Variants in RP1L1 observed in about 807,000 individuals in gnomAD.
RP1L1 encodes retinitis pigmentosa 1-like 1 protein.
In RP1L1, 27 loss-of-function variants were observed where a neutral mutation model predicts 15.7. The observed-to-expected ratio is 1.72, with a 90% CI of 1.27 to 2.38. RP1L1 has a LOEUF of 2.38. RP1L1 is among the 30% of genes most tolerant of loss of function. RP1L1 has a pLI of 0.00. For synonymous variants in RP1L1, 1,813 were observed against 1,276.7 expected, an observed-to-expected ratio of 1.42 and a Z score of -8.96; for missense variants, 4,798 against 3,075.9, an observed-to-expected ratio of 1.56 and a Z score of -13.24.
rs763500127 is a variant in RP1L1 at position 10,607,644 on chromosome 8, CCTGGGCCTCTACACCTTCTGACTCAGG to C, written c.6427_6453del (p.Pro2143_Gln2151del). On this transcript the variant is annotated inframe_deletion, in exon 4 of 4. Coordinates refer to ENST00000382483, the MANE Select transcript of RP1L1 (RefSeq NM_178857.6). ...TCTGGCTGGGCCTCCCCTTCTGCATCCTGGGCCTCTACACCTTCTGACTCAGGCTGGGCCTCCCCTTCAGCCTCTGGG... is the reference window on the plus strand; with the variant it reads ...TCTGGCTGGGCCTCCCCTTCTGCATCCTGGGCCTCCCCTTCAGCCTCTGGG... 4.4e-6 allele frequency: 7 copies of C among 1,589,290 alleles called. No homozygotes were observed. Among genetic ancestry groups the C allele is most frequent in the Non-Finnish European group, 6.0e-6 (7 of 1,165,246 alleles).
rs1797842146 is a variant in RP1L1, at chr8:10,611,109, C to T, written c.2989G>A (p.Asp997Asn). The change falls in exon 4 of 4, where the codon GAC (aspartate) becomes AAC (asparagine). Residue 997 changes from aspartate (D) to asparagine (N), a missense_variant. Transcript: ENST00000382483. Reference sequence around the variant, plus strand: ...TCCCCCAGGCCTTCCAGAGAATGGTCATCCCCAGGGTCCACCTCGGGGCCT... The same window carrying T: ...TCCCCCAGGCCTTCCAGAGAATGGTTATCCCCAGGGTCCACCTCGGGGCCT... The part of the protein sequence containing the change: ...LRGPEVDPGD[D>N]HSLEGLGEPA... 1.2e-6 allele frequency: 2 copies of T among 1,612,892 alleles called. No homozygotes were observed. Among genetic ancestry groups the T allele is most frequent in the East Asian group, 2.2e-5 (1 of 44,866 alleles).
rs888148632 is a variant in RP1L1, at chr8:10,609,404, G to A, written c.4694C>T (p.Ala1565Val). Residue 1565 changes from alanine (A) to valine (V), a missense_variant, in exon 4 of 4, where the codon GCC becomes GTC. Ala to Val is a moderately conservative substitution (Grantham distance 64). Transcript: ENST00000382483. Reference protein sequence around the residue: ...QMAAELQQDVAQRLQDSTKRE... With the variant: ...QMAAELQQDVVQRLQDSTKRE... ...CTTGGTGCTGTCCTGGAGGCGTTGG[G>A]CCACGTCCTGCTGCAGCTCGGCCGC... 20 of 1,612,150 alleles carry A rather than the reference G, an allele frequency of 1.2e-5. No individual in the cohort carries two copies. Among genetic ancestry groups the A allele is most frequent in the Non-Finnish European group, 4.2e-6 (5 of 1,179,928 alleles).
chr8:10,622,482 C>G lies in RP1L1; in HGVS notation c.609+111G>C, dbSNP rs957115129. Reference sequence around the variant, plus strand: ...CATGCTGTTCACCTTTAATTAGCAGCAGGGCAATCAAATGCCTCTTTTTAA... The same window carrying G: ...CATGCTGTTCACCTTTAATTAGCAGGAGGGCAATCAAATGCCTCTTTTTAA... On this transcript the variant is annotated intron_variant, in intron 2 of 3. Transcript: ENST00000382483. 28 of 1,381,834 alleles carry G rather than the reference C, an allele frequency of 2.0e-5. No individual in the cohort carries two copies. The African/African-American group carries it at 3.8e-4, about 19-fold the overall frequency. The allele number at this position is 1,381,834 out of a possible 1,614,324, so 85.6% of individuals were successfully genotyped here.
chr8:10,634,636 G>C (rs1013271673), intron 1 of RP1L1, among the ~76,000 whole-genome samples: 16 of 152,302 alleles, frequency 1.1e-4, no homozygotes, highest in Non-Finnish European at 1.5e-4. Flanking sequence ...TGGCAGAAGA[G>C]TGCCAATCAC....
At position 10,609,899 on chromosome 8, in the gene RP1L1, G is replaced by C; in HGVS notation, c.4199C>G (p.Pro1400Arg). Residue 1400 changes from proline (P) to arginine (R), a missense_variant, in exon 4 of 4, where the codon CCA (proline) becomes CGA (arginine). By Grantham distance (103) the Pro-to-Arg change is moderately radical (BLOSUM62 -2). Transcript: ENST00000382483. ...CTGCCCGTGGACGCTTCCTTCTTCT[G>C]GAAGTCCTTCCTCTTTGAGACCCTC... Reference protein sequence around the residue: ...LEEGLKEEGLPEEGSVHGQEL... With the variant: ...LEEGLKEEGLREEGSVHGQEL... The C allele has an allele frequency of 6.3e-7, 1 of 1,593,192 alleles. No individual in the cohort carries two copies. The highest frequency in any genetic ancestry group is 8.6e-7 in the Non-Finnish European group (1 of 1,165,350).
intron 1 of RP1L1, among the ~76,000 whole-genome samples, chr8:10,628,022 A>G (rs1024002147): frequency 1.1e-4 from 17 of 152,226 alleles, no homozygotes; most frequent in Non-Finnish European, 2.2e-4. Context: ...TTTATAATCC[A>G]GGAAAGAATA....
At chr8:10,639,584 C>G (rs6601496) in intron 1 of RP1L1, among the ~76,000 whole-genome samples, 126,590 of 152,092 alleles carry the variant, frequency 0.83, 52,815 homozygotes, top group South Asian at 0.91. Flanking sequence ...ATGTTGCCCA[C>G]GCTGGTCTTC....
chr8:10,622,747 CG>C lies in RP1L1; in HGVS notation c.454del (p.Arg152GlyfsTer5), dbSNP rs778634096. The C allele has an allele frequency of 1.9e-6, 3 of 1,613,918 alleles. No individual in the cohort carries two copies. The highest frequency in any genetic ancestry group is 2.7e-5 in the African/African-American group (2 of 74,884). On this transcript the variant is annotated frameshift_variant, in exon 2 of 4. Coordinates refer to ENST00000382483, the MANE Select transcript of RP1L1 (RefSeq NM_178857.6). LOFTEE classifies it high-confidence loss of function. ...CATGTTCTTAATCAGCAGTATCCTCCGGGGGGTTTTAAGACTCTTCCGGGAG... is the reference window on the plus strand; with the variant it reads ...CATGTTCTTAATCAGCAGTATCCTCCGGGGGTTTTAAGACTCTTCCGGGAG... Reference protein sequence around the residue: ...SSSRKSLKTPRRILLIKNMDP... With the variant: ...SSSRKSLKTPXRILLIKNMDP...
At chr8:10,626,245 T>TC (rs1554455462) in intron 1 of RP1L1, among the ~76,000 whole-genome samples, 1 of 151,366 alleles carries the variant, frequency 6.6e-6, no homozygotes, top group Non-Finnish European at 1.5e-5. Context: ...AGCGGGAGGA[T>TC]GGGGGAGGCT....
Position 10,608,025 on chromosome 8 carries a change from C to A in RP1L1, c.6073G>T (p.Ala2025Ser), listed in dbSNP as rs202005120. The change falls in exon 4 of 4, where the codon GCC becomes TCC. Residue 2025 changes from alanine to serine, a missense_variant. Ala to Ser is a moderately conservative substitution (Grantham distance 99, BLOSUM62 1). Transcript: ENST00000382483. Reference protein sequence around the residue: ...EAQPESDGVEAQPKSEGEEAQ... With the variant: ...EAQPESDGVESQPKSEGEEAQ... ...TCTTCACCTTCTGACTTTGGCTGGG[C>A]CTCTACACCGTCTGACTCTGGCTGG... The A allele has an allele frequency of 6.2e-7, 1 of 1,612,866 alleles. No homozygotes were observed.
chr8:10,643,883 TA>T (rs1798440264), intron 1 of RP1L1, among the ~76,000 whole-genome samples: 1 of 151,904 alleles, frequency 6.6e-6, no homozygotes, highest in South Asian at 2.1e-4. Flanking sequence ...ACCAGAGTGT[TA>T]CCAGAAACTG....
rs182270485 is a variant in RP1L1, at chr8:10,614,554, G to A, written c.752-1208C>T. Among the ~76,000 whole-genome samples the A allele has an allele frequency of 7.4e-4, 113 of 151,942 alleles. 1 individual carries two copies. Among genetic ancestry groups the A allele is most frequent in the African/African-American group, 2.3e-3 (97 of 41,448 alleles). ...TGGGAGACTGTAATCCCAGCCACTC[G>A]GGAGGCTGAGGCACAAAAATCACTT... On this transcript the variant is annotated intron_variant, in intron 3 of 3. Transcript: ENST00000382483.
rs1481847615 is a variant in RP1L1 at position 10,608,019 on chromosome 8, G to T, written c.6079C>A (p.Pro2027Thr). Reference protein sequence around the residue: ...QPESDGVEAQPKSEGEEAQEV... With the variant: ...QPESDGVEAQTKSEGEEAQEV... Reference sequence around the variant, plus strand: ...TGGGCCTCTTCACCTTCTGACTTTGGCTGGGCCTCTACACCGTCTGACTCT... The same window carrying T: ...TGGGCCTCTTCACCTTCTGACTTTGTCTGGGCCTCTACACCGTCTGACTCT... Residue 2027 changes from proline (P) to threonine (T), a missense_variant, in exon 4 of 4, where the codon CCA becomes ACA. Coordinates refer to ENST00000382483, the MANE Select transcript of RP1L1 (RefSeq NM_178857.6). 1 of 1,597,114 alleles carries T rather than the reference G, an allele frequency of 6.3e-7. No individual in the cohort carries two copies. Among genetic ancestry groups the T allele is most frequent in the Non-Finnish European group, 8.5e-7 (1 of 1,175,414 alleles).
At chr8:10,618,808 T>G (rs74860614) in intron 2 of RP1L1, among the ~76,000 whole-genome samples, 4,351 of 152,318 alleles carry the variant, frequency 0.029, 199 homozygotes, top group African/African-American at 0.094. Flanking sequence ...CTTTCTGGTA[T>G]GCTTTCCAGT....
At chr8:10,616,648 C>T in intron 2 of RP1L1, 61 bp from the exon 3 acceptor site, 4 of 1,542,968 alleles carry the variant, frequency 2.6e-6, no homozygotes, top group Middle Eastern at 2.0e-4. Context: ...TACCCTGAGG[C>T]CTGGGGGAGG....
rs144995693 is a variant in RP1L1, at chr8:10,652,541, G to T, written c.-20+2357C>A. Among the ~76,000 whole-genome samples, 11 of 152,152 alleles carry T rather than the reference G, an allele frequency of 7.2e-5. No homozygotes were observed. The South Asian group carries it at 1.5e-3, about 20-fold the overall frequency. On this transcript the variant is annotated intron_variant, in intron 1 of 3. Coordinates refer to ENST00000382483, the MANE Select transcript of RP1L1 (RefSeq NM_178857.6). ...TCTTAAAGAATCTGGGGCTTGGAAA[G>T]CTTCAATGACTCGCCCAAGGTTCAC... is the stretch of plus-strand genomic sequence containing the variant.
Position 10,606,735 on chromosome 8 carries a change from C to T in RP1L1, c.*160G>A, listed in dbSNP as rs1285325698. On this transcript the variant is annotated 3_prime_UTR_variant, in exon 4 of 4. Transcript: ENST00000382483. ...TCTGACACTTCTGGACTTAAGAGTC[C>T]CAGGACAGCATGGCATGGGCTGTGT... 2 of 1,255,320 alleles carry T rather than the reference C, an allele frequency of 1.6e-6. No homozygotes were observed. Among genetic ancestry groups the T allele is most frequent in the African/African-American group, 3.0e-5 (2 of 66,890 alleles). 77.8% of individuals were successfully genotyped at this position (1,255,320 alleles called of 1,614,324 possible).
intron 1 of RP1L1, among the ~76,000 whole-genome samples, chr8:10,638,419 T>C (rs557805255): frequency 2.6e-5 from 4 of 152,202 alleles, no homozygotes; most frequent in African/African-American, 9.6e-5. Flanking sequence ...AAAGGAAGAA[T>C]TGCAATAATT....
intron 1 of RP1L1, among the ~76,000 whole-genome samples, chr8:10,642,712 C>G (rs563191303): frequency 6.6e-6 from 1 of 152,190 alleles, no homozygotes; most frequent in Non-Finnish European, 1.5e-5. Flanking sequence ...CAGTCCCACT[C>G]CTTACAGAGC....
Sources: allele counts gnomAD v4.1 joint callset (sites outside exome capture counted in the v4.1 genomes callset), GRCh38; gene constraint gnomAD v4.1.1; transcripts MANE v1.5; gene names NCBI Gene and HGNC (gene_info 2026-07-23, HGNC 2026-07-21).